Variants in TRAF6 observed in about 807,000 individuals in gnomAD.
The protein encoded by TRAF6 is TNF receptor associated factor 6, also known as TNF receptor-associated factor 6.
In TRAF6, 10 loss-of-function variants were observed where a neutral mutation model predicts 48.4. That is an observed-to-expected ratio of 0.21 (90% CI 0.13 to 0.35). TRAF6 has a LOEUF of 0.35. Ranked by LOEUF, TRAF6 falls within the 10% of genes least tolerant of loss-of-function variation. TRAF6 has a pLI of 1.00. For missense variants in TRAF6, 397 were observed against 661.0 expected, an observed-to-expected ratio of 0.60 and a Z score of 4.38; for synonymous variants, 186 against 219.6, an observed-to-expected ratio of 0.85 and a Z score of 1.35.
intron 1 of TRAF6, among the ~76,000 whole-genome samples, chr11:36,506,136 TA>T (rs60452018): frequency 0.95 from 140,212 of 147,700 alleles, 66,823 homozygotes; most frequent in Non-Finnish European, 1. Context: ...TTCAATATGT[TA>T]AAAAAAAAAA....
Position 36,498,367 on chromosome 11 carries a change from G to T in TRAF6, c.447+123C>A, listed in dbSNP as rs1004552481. On this transcript the variant is annotated intron_variant, in intron 3 of 6. Transcript: ENST00000526995. ...TAAAGGGTTGGCATTAATTCAGCAA[G>T]AATTTATTAACCAATCATCATATGC... 11 of 816,914 alleles carry T rather than the reference G, an allele frequency of 1.3e-5. No homozygotes were observed. In the African/African-American group the frequency reaches 2.0e-4, roughly 15 times the overall value. The allele number at this position is 816,914 out of a possible 1,614,324, so 50.6% of individuals were successfully genotyped here.
intron 6 of TRAF6, among the ~76,000 whole-genome samples, chr11:36,491,607 T>C (rs1167427794): frequency 2.0e-5 from 3 of 152,242 alleles, no homozygotes; most frequent in Non-Finnish European, 4.4e-5. Context: ...TCTCAGACAT[T>C]TGACACTACT....
intron 4 of TRAF6, among the ~76,000 whole-genome samples, chr11:36,495,813 A>G (rs1284112944): frequency 1.3e-5 from 2 of 151,974 alleles, no homozygotes; most frequent in African/African-American, 4.8e-5. Flanking sequence ...AATCGCTTGA[A>G]CCCAGGAGGC....
At chr11:36,504,128 G>A (rs1859755262) in intron 1 of TRAF6, among the ~76,000 whole-genome samples, 3 of 152,196 alleles carry the variant, frequency 2.0e-5, no homozygotes, top group Admixed American at 2.0e-4. Flanking sequence ...GTTGATGGCT[G>A]TTGACTGATC....
At chr11:36,507,226 G>A (rs1425738638) in intron 1 of TRAF6, among the ~76,000 whole-genome samples, 1 of 38 alleles carries the variant, frequency 0.026, no homozygotes, top group African/African-American at 0.17. Flanking sequence ...ATGTATATAT[G>A]TATATATACA....
At position 36,501,318 on chromosome 11, in the gene TRAF6, G is replaced by A. The variant is rs1159239146; in HGVS notation, c.198C>T (p.Ser66=). ...YDVEFDPPLE[S]KYECPICLMA... is the part of the protein sequence containing the mutation. ...TCAAGCAGATGGGGCATTCATACTT[G>A]CTTTCCAGGGGTGGGTCAAACTCTA... Residue 66 remains serine (S), a synonymous_variant, in exon 2 of 7, where the codon AGC becomes AGT. Transcript: ENST00000526995. 1 of 1,614,020 alleles carries A rather than the reference G, an allele frequency of 6.2e-7. No homozygotes were observed. Among genetic ancestry groups the A allele is most frequent in the Non-Finnish European group, 8.5e-7 (1 of 1,180,014 alleles).
intron 4 of TRAF6, among the ~76,000 whole-genome samples, chr11:36,495,393 T>G (rs1260360568): frequency 6.6e-6 from 1 of 152,230 alleles, no homozygotes; most frequent in Non-Finnish European, 1.5e-5. Flanking sequence ...ACAAAAATTT[T>G]CAGCAGCAGC....
rs146832696 is a variant in TRAF6, at chr11:36,495,046, A to G, written c.608T>C (p.Ile203Thr). 1.7e-4 allele frequency: 272 copies of G among 1,598,402 alleles called. No homozygotes were observed. Among genetic ancestry groups the G allele is most frequent in the Non-Finnish European group, 2.2e-4 (262 of 1,167,558 alleles). ...TGCCAAAGGACAGTTCTGGTCATGG[A>G]TCTGAATTTTATTAGAGAAATATAA... ...AASMAFEDKE[I>T]HDQNCPLANV... The change falls in exon 5 of 7, where the codon ATC (isoleucine) becomes ACC (threonine). Residue 203 changes from isoleucine (I) to threonine (T), a missense_variant and splice_region_variant. By Grantham distance (89) the Ile-to-Thr change is moderately conservative. Around this residue, in one of 4 missense-constraint regions of TRAF6, gnomAD observed 245 missense variants for 349.1 expected, o/e 0.70. Coordinates refer to ENST00000526995, the MANE Select transcript of TRAF6 (RefSeq NM_004620.4).
At chr11:36,492,754 C>A in intron 5 of TRAF6, 126 bp from the exon 6 acceptor site, 2 of 650,642 alleles carry the variant, frequency 3.1e-6, no homozygotes, top group East Asian at 2.7e-5. Flanking sequence ...ATAGGTGCAG[C>A]ATAAACCATC....
At chr11:36,494,643 ATATC>A (rs1342663460) in intron 5 of TRAF6, among the ~76,000 whole-genome samples, 2 of 151,680 alleles carry the variant, frequency 1.3e-5, no homozygotes, top group African/African-American at 4.8e-5. Context: ...ATATATATAT[ATATC>A]TTAGTTTTTT....
At chr11:36,506,519 T>C (rs945373694) in intron 1 of TRAF6, among the ~76,000 whole-genome samples, 1 of 152,218 alleles carries the variant, frequency 6.6e-6, no homozygotes, top group African/African-American at 2.4e-5. Context: ...GCAGAAATTA[T>C]GAAGCTAGGT....
rs1859546219 is a variant in TRAF6, at chr11:36,490,335, C to T, written c.1072G>A (p.Gly358Ser). The T allele has an allele frequency of 1.2e-6, 2 of 1,614,132 alleles. No individual in the cohort carries two copies. Among genetic ancestry groups the T allele is most frequent in the Non-Finnish European group, 8.5e-7 (1 of 1,180,028 alleles). ...QCNGIYIWKI[G>S]NFGMHLKCQE... The stretch of plus-strand genomic sequence containing the variant: ...CATTTCAAATGCATTCCAAAGTTGC[C>T]AATCTTCCAAATATAAATTCCATTG... The change falls in exon 7 of 7, where the codon GGC becomes AGC. Residue 358 changes from glycine (G) to serine (S), a missense_variant. Gly to Ser is a moderately conservative substitution (Grantham distance 56, BLOSUM62 0). Around this residue, in one of 4 missense-constraint regions of TRAF6, gnomAD observed 245 missense variants for 349.1 expected, o/e 0.70. Coordinates refer to ENST00000526995, the MANE Select transcript of TRAF6 (RefSeq NM_004620.4). This position sits in a 1 kb window ranked among gnomAD's most constrained non-coding sequence, Gnocchi z 6.4.
chr11:36,496,539 C>T (rs1859636872), intron 4 of TRAF6: 1 of 152,264 alleles, frequency 6.6e-6, no homozygotes, highest in Non-Finnish European at 1.5e-5. Flanking sequence ...GAGATCATGC[C>T]ATTGCACTCC....
chr11:36,502,508 T>C (rs929956745), intron 1 of TRAF6, among the ~76,000 whole-genome samples: 10 of 152,150 alleles, frequency 6.6e-5, no homozygotes, highest in African/African-American at 2.4e-4. Flanking sequence ...TCAGATATCA[T>C]TCAAGAAACA....
Position 36,492,578 on chromosome 11 carries a change from T to G in TRAF6, c.729A>C (p.Thr243=). ...TTTCATGGCAACCAAAAGTACTGAA[T>G]GTGCATGGAATTGGGGCTGTAGGGC... ...LDCPTAPIPC[T]FSTFGCHEKM... Residue 243 remains threonine (T), a synonymous_variant, in exon 6 of 7, where the codon ACA becomes ACC. Coordinates refer to ENST00000526995, the MANE Select transcript of TRAF6 (RefSeq NM_004620.4). 6.2e-7 allele frequency: 1 copy of G among 1,611,440 alleles called. No individual in the cohort carries two copies. Among genetic ancestry groups the G allele is most frequent in the Non-Finnish European group, 8.5e-7 (1 of 1,179,370 alleles).
At chr11:36,507,098 C>A (rs943220364) in intron 1 of TRAF6, among the ~76,000 whole-genome samples, 6 of 147,512 alleles carry the variant, frequency 4.1e-5, no homozygotes, top group Non-Finnish European at 6.0e-5. Context: ...AATGTATATA[C>A]GTGTATATAT....
At position 36,485,838 on chromosome 11, in the gene TRAF6, T is replaced by C. The variant is rs1040359378; in HGVS notation, c.*4000A>G. On this transcript the variant is annotated 3_prime_UTR_variant, in exon 7 of 7. Transcript: ENST00000526995. ...GATCATCTTTCTGGATACTGGGAAT[T>C]TGTAAGTGCCAAGTACACTCTACAG... is the stretch of plus-strand genomic sequence containing the variant. Among the ~76,000 whole-genome samples, 2 of 152,108 alleles carry C rather than the reference T, an allele frequency of 1.3e-5. No individual in the cohort carries two copies. Among genetic ancestry groups the C allele is most frequent in the South Asian group, 4.1e-4 (2 of 4,830 alleles).
intron 1 of TRAF6, among the ~76,000 whole-genome samples, chr11:36,506,241 C>T (rs911485255): frequency 1.3e-5 from 2 of 151,890 alleles, no homozygotes; most frequent in Non-Finnish European, 2.9e-5. Context: ...AGGTAAATTT[C>T]CTAGAGGTAG....
rs942112506 is a variant in TRAF6 at position 36,490,019 on chromosome 11, G to A, written c.1388C>T (p.Thr463Ile). The change falls in exon 7 of 7, where the codon ACA (threonine) becomes ATA (isoleucine). Residue 463 changes from threonine to isoleucine, a missense_variant. By Grantham distance (89) the Thr-to-Ile change is moderately conservative (BLOSUM62 -1). Coordinates refer to ENST00000526995, the MANE Select transcript of TRAF6 (RefSeq NM_004620.4). This position sits in a 1 kb window ranked among gnomAD's most constrained non-coding sequence, Gnocchi z 6.4. ...AAAACCTTTTGGGTTCCGTGGGATT[G>A]TGGGTCGCTGGAAAGCAAGCAGCTC... ...KPELLAFQRP[T>I]IPRNPKGFGY... 4.3e-6 allele frequency: 7 copies of A among 1,614,216 alleles called. No homozygotes were observed. Among genetic ancestry groups the A allele is most frequent in the Non-Finnish European group, 5.9e-6 (7 of 1,180,044 alleles).
Sources: allele counts gnomAD v4.1 joint callset (sites outside exome capture counted in the v4.1 genomes callset), GRCh38; gene constraint gnomAD v4.1.1; regional missense constraint gnomAD v4.1.1; non-coding constraint Gnocchi (gnomAD v3.1); transcripts MANE v1.5; gene names NCBI Gene and HGNC (gene_info 2026-07-23, HGNC 2026-07-21).